The following ZNF521 variants were observed in gnomAD, a reference collection of about 807,000 sequenced individuals.
ZNF521 encodes the protein LYST-interacting protein 3.
A neutral mutation model predicts 105.5 loss-of-function variants in ZNF521; 14 were observed. That is an observed-to-expected ratio of 0.13 (90% CI 0.09 to 0.21). ZNF521 has a LOEUF of 0.21. Ranked by LOEUF, ZNF521 falls within the 10% of genes least tolerant of loss-of-function variation. The pLI is 1.00. For synonymous variants in ZNF521, 635 were observed against 606.0 expected, an observed-to-expected ratio of 1.05 and a Z score of -0.70; for missense variants, 1,233 against 1,629.7, an observed-to-expected ratio of 0.76 and a Z score of 4.19.
chr18:25,310,851 T>A (rs976282423), intron 3 of ZNF521, among the ~76,000 whole-genome samples: 4 of 152,222 alleles, frequency 2.6e-5, no homozygotes, highest in Non-Finnish European at 5.9e-5. Context: ...CCCTTTTGCT[T>A]CAAATATTTT....
chr18:25,066,734 G>C (rs886158470), intron 7 of ZNF521, among the ~76,000 whole-genome samples: 1 of 152,204 alleles, frequency 6.6e-6, no homozygotes, highest in African/African-American at 2.4e-5. Flanking sequence ...AACCAGTCCT[G>C]AGACAGCAAG....
chr18:25,351,154 G>A (rs1914741738), intron 1 of ZNF521: 2 of 150,340 alleles, frequency 1.3e-5, no homozygotes, highest in Non-Finnish European at 1.4e-5. Flanking sequence ...TCTGCACGAC[G>A]GCGGCGGCGG....
chr18:25,350,213 C>T (rs1170717021), intron 2 of ZNF521, among the ~76,000 whole-genome samples: 5 of 152,202 alleles, frequency 3.3e-5, no homozygotes, highest in Admixed American at 3.3e-4. Flanking sequence ...CTGGACCCCA[C>T]CGCGAAACGC....
chr18:25,117,018 CATATATATATACAT>C (rs1567968803), intron 5 of ZNF521, among the ~76,000 whole-genome samples: 12 of 138,042 alleles, frequency 8.7e-5, no homozygotes, highest in African/African-American at 2.7e-4. Context: ...CACACACACA[CATATATATATACAT>C]ACACACACAC....
intron 3 of ZNF521, among the ~76,000 whole-genome samples, chr18:25,234,906 A>G (rs1051882460): frequency 4.6e-5 from 7 of 152,142 alleles, no homozygotes; most frequent in Admixed American, 4.6e-4. Context: ...GATAGACAAT[A>G]TTATCATTAT....
At chr18:25,152,008 G>A (rs2035056194) in intron 5 of ZNF521, among the ~76,000 whole-genome samples, 1 of 152,124 alleles carries the variant, frequency 6.6e-6, no homozygotes, top group South Asian at 2.1e-4. Context: ...CACTAACATA[G>A]CATTCCACTG....
chr18:25,287,767 T>C (rs1480359849), intron 3 of ZNF521, among the ~76,000 whole-genome samples: 1 of 152,190 alleles, frequency 6.6e-6, no homozygotes, highest in Non-Finnish European at 1.5e-5. Flanking sequence ...ATTACTTTGA[T>C]ACAACTAGTC....
chr18:25,252,885 T>A (rs1341675665), intron 3 of ZNF521, among the ~76,000 whole-genome samples: 1 of 152,148 alleles, frequency 6.6e-6, no homozygotes, highest in Non-Finnish European at 1.5e-5. Flanking sequence ...AGCAAAGCTT[T>A]CAAAATATGT....
At chr18:25,311,070 G>A (rs1051220517) in intron 3 of ZNF521, among the ~76,000 whole-genome samples, 1 of 152,090 alleles carries the variant, frequency 6.6e-6, no homozygotes, top group African/African-American at 2.4e-5. Context: ...AGGTAAAACC[G>A]AAAGAAAGGA....
At chr18:25,316,521 T>C (rs1490563354) in intron 3 of ZNF521, among the ~76,000 whole-genome samples, 5 of 151,910 alleles carry the variant, frequency 3.3e-5, no homozygotes, top group African/African-American at 1.2e-4. Flanking sequence ...CAACTTACAC[T>C]AAAAGGCTTT....
At chr18:25,285,847 A>G (rs953157721) in intron 3 of ZNF521, among the ~76,000 whole-genome samples, 3 of 152,182 alleles carry the variant, frequency 2.0e-5, no homozygotes, top group African/African-American at 7.2e-5. Flanking sequence ...AATTGCCTCC[A>G]TGTATCAGGA....
At chr18:25,124,876 G>A (rs1421022510) in intron 5 of ZNF521, among the ~76,000 whole-genome samples, 1 of 152,110 alleles carries the variant, frequency 6.6e-6, no homozygotes, top group Non-Finnish European at 1.5e-5. Flanking sequence ...AATGTTTTGA[G>A]CTATATAAAT....
At chr18:25,170,257 G>A (rs1600114447) in intron 5 of ZNF521, among the ~76,000 whole-genome samples, 1 of 152,054 alleles carries the variant, frequency 6.6e-6, no homozygotes, top group East Asian at 1.9e-4. Flanking sequence ...AACCTGAAAT[G>A]TCAGAAATAA....
At chr18:25,325,175 C>A (rs1261482224) in intron 2 of ZNF521, among the ~76,000 whole-genome samples, 1 of 152,164 alleles carries the variant, frequency 6.6e-6, no homozygotes, top group Non-Finnish European at 1.5e-5. Flanking sequence ...TTTCCAGCCT[C>A]TACTTTCATG....
chr18:25,322,237 A>G, intron 2 of ZNF521, 50 bp from the exon 3 acceptor site: 1 of 1,570,398 alleles, frequency 6.4e-7, no homozygotes, highest in Non-Finnish European at 8.8e-7. Context: ...AGGTTCTTTT[A>G]AAGTAACATT....
intron 4 of ZNF521, among the ~76,000 whole-genome samples, chr18:25,220,418 G>A (rs979696225): frequency 6.6e-6 from 1 of 152,076 alleles, no homozygotes; most frequent in Admixed American, 6.6e-5. Context: ...TAGAAAAGAC[G>A]GGGATTCAAC....
intron 5 of ZNF521, among the ~76,000 whole-genome samples, chr18:25,131,279 G>T (rs2034636242): frequency 6.6e-6 from 1 of 152,090 alleles, no homozygotes; most frequent in Non-Finnish European, 1.5e-5. Flanking sequence ...CCTTGGCATG[G>T]CATACAAGGT....
intron 5 of ZNF521, among the ~76,000 whole-genome samples, chr18:25,147,339 A>G (rs1234301272): frequency 1.3e-5 from 2 of 152,188 alleles, no homozygotes; most frequent in East Asian, 1.9e-4. Context: ...TGAACCTTTA[A>G]TACTTGGCCA....
At chr18:25,094,715 A>C (rs1354537078) in intron 5 of ZNF521, among the ~76,000 whole-genome samples, 1 of 152,174 alleles carries the variant, frequency 6.6e-6, no homozygotes, top group African/African-American at 2.4e-5. Flanking sequence ...GCACATTATA[A>C]GATGAGCAAA....
Sources: allele counts gnomAD v4.1 joint callset (sites outside exome capture counted in the v4.1 genomes callset), GRCh38; gene constraint gnomAD v4.1.1; transcripts MANE v1.5; gene names NCBI Gene and HGNC (gene_info 2026-07-23, HGNC 2026-07-21).